The following ZBTB7C variants were observed in gnomAD, a reference collection of about 807,000 sequenced individuals.
The protein encoded by ZBTB7C is zinc finger and BTB domain containing 7C, also known as zinc finger and BTB domain-containing protein 7C.
ZBTB7C carries 8 observed loss-of-function variants against 25.7 expected under a neutral mutation model. That is an observed-to-expected ratio of 0.31 (90% CI 0.18 to 0.56). ZBTB7C has a LOEUF of 0.56. ZBTB7C is among the 20% of genes least tolerant of loss of function. ZBTB7C has a pLI of 0.91. For synonymous variants in ZBTB7C, 394 were observed against 369.0 expected (o/e 1.07, Z -0.78); for missense variants, 824 against 855.2 (o/e 0.96, Z 0.46).
chr18:48,164,504 T>C (rs2041175481), intron 3 of ZBTB7C, among the ~76,000 whole-genome samples: 1 of 152,184 alleles, frequency 6.6e-6, no homozygotes, highest in Non-Finnish European at 1.5e-5. Flanking sequence ...ATCTGCTAGA[T>C]TTCCCTTCTG....
At chr18:48,146,064 T>C (rs1324235561) in intron 3 of ZBTB7C, among the ~76,000 whole-genome samples, 5 of 152,186 alleles carry the variant, frequency 3.3e-5, no homozygotes, top group Admixed American at 6.5e-5. Context: ...GCTTTTGTGA[T>C]TTTTTGTTTA....
intron 1 of ZBTB7C, among the ~76,000 whole-genome samples, chr18:48,343,737 T>C (rs938555597): frequency 6.6e-6 from 1 of 152,172 alleles, no homozygotes; most frequent in African/African-American, 2.4e-5. Context: ...GGGCTCCCAG[T>C]TTTCAATCTG....
At position 48,323,720 on chromosome 18, in the gene ZBTB7C, G is replaced by A. The variant is rs191044960; in HGVS notation, c.-79+14454C>T. Reference sequence around the variant, plus strand: ...CAGTGATTTAACATGCTCCTACTGTGGGCTGTGCAGTGAGTAAGGATCCGG... The same window carrying A: ...CAGTGATTTAACATGCTCCTACTGTAGGCTGTGCAGTGAGTAAGGATCCGG... On this transcript the variant is annotated intron_variant, in intron 2 of 4. Coordinates refer to ENST00000590800, the MANE Select transcript of ZBTB7C (RefSeq NM_001318841.2). 2.0e-4 allele frequency among the ~76,000 whole-genome samples: 31 copies of A among 152,288 alleles called. No homozygotes were observed. The Middle Eastern group carries it at 0.01, about 50-fold the overall frequency.
chr18:48,034,030 G>A (rs1042278292), intron 4 of ZBTB7C, among the ~76,000 whole-genome samples: 1 of 152,148 alleles, frequency 6.6e-6, no homozygotes, highest in Non-Finnish European at 1.5e-5. Context: ...TGGCTTCCTT[G>A]CTGCTTCACA....
intron 2 of ZBTB7C, among the ~76,000 whole-genome samples, chr18:48,261,024 A>C (rs2044156921): frequency 6.6e-6 from 1 of 152,220 alleles, no homozygotes; most frequent in Non-Finnish European, 1.5e-5. Flanking sequence ...AACCCACTTA[A>C]ATTAAGAATT....
chr18:48,191,488 G>C (rs1012255201), intron 2 of ZBTB7C, among the ~76,000 whole-genome samples: 3 of 152,270 alleles, frequency 2.0e-5, no homozygotes, highest in East Asian at 3.8e-4. Flanking sequence ...CAGGACCTCA[G>C]CTGGGGCCAG....
chr18:48,326,750 C>A (rs1020842338), intron 2 of ZBTB7C, among the ~76,000 whole-genome samples: 1 of 152,154 alleles, frequency 6.6e-6, no homozygotes, highest in Non-Finnish European at 1.5e-5. Flanking sequence ...AGAATACATA[C>A]TTGAATTTCT....
chr18:48,379,282 T>C (rs796366383), intron 1 of ZBTB7C, among the ~76,000 whole-genome samples: 1 of 152,346 alleles, frequency 6.6e-6, no homozygotes, highest in Admixed American at 6.5e-5. Flanking sequence ...GCCTGGAAAC[T>C]GGGTAGTATG....
intron 3 of ZBTB7C, among the ~76,000 whole-genome samples, chr18:48,097,231 T>C (rs1310474602): frequency 1.3e-5 from 2 of 152,178 alleles, no homozygotes; most frequent in Non-Finnish European, 2.9e-5. Flanking sequence ...CATATGAATA[T>C]GGATCTTGCG....
chr18:48,178,991 C>T (rs1466858805), intron 3 of ZBTB7C, among the ~76,000 whole-genome samples: 2 of 152,160 alleles, frequency 1.3e-5, no homozygotes, highest in African/African-American at 4.8e-5. Context: ...TTCTCATATT[C>T]ATTGATTTTG....
chr18:48,259,461 C>A (rs1371640774), intron 2 of ZBTB7C, among the ~76,000 whole-genome samples: 1 of 126,240 alleles, frequency 7.9e-6, no homozygotes, highest in African/African-American at 3.6e-5. Context: ...AGAGAAAAAT[C>A]TTTCTGACCT....
intron 1 of ZBTB7C, among the ~76,000 whole-genome samples, chr18:48,366,481 G>A (rs2047223525): frequency 6.6e-6 from 1 of 152,110 alleles, no homozygotes; most frequent in South Asian, 2.1e-4. Flanking sequence ...AGAAAATAAA[G>A]TAAAGCCAAA....
At chr18:48,059,918 G>A (rs995488622) in intron 3 of ZBTB7C, among the ~76,000 whole-genome samples, 3 of 152,102 alleles carry the variant, frequency 2.0e-5, no homozygotes, top group African/African-American at 7.2e-5. Flanking sequence ...CTGGTGGGAG[G>A]GTGCGACCCT....
At position 48,028,934 on chromosome 18, in the gene ZBTB7C, T is replaced by A. The variant is rs1023480004; in HGVS notation, c.*326A>T. 1 of 336,714 alleles carries A rather than the reference T, an allele frequency of 3.0e-6. No individual in the cohort carries two copies. Among genetic ancestry groups the A allele is most frequent in the Non-Finnish European group, 5.4e-6 (1 of 186,872 alleles). 20.9% of individuals were successfully genotyped at this position (336,714 alleles called of 1,614,324 possible). A position where few individuals can be genotyped will look rare whatever the true frequency, so the allele number is the denominator to read the frequency against. ...ACCAGGCCAACCACCCCCTGACCCC[T>A]CATGACTCACCCAGCTCCTAAGTGC... is the stretch of plus-strand genomic sequence containing the variant. On this transcript the variant is annotated 3_prime_UTR_variant, in exon 5 of 5. Transcript: ENST00000590800.
chr18:48,085,757 C>A (rs2038168519), intron 3 of ZBTB7C, among the ~76,000 whole-genome samples: 1 of 152,240 alleles, frequency 6.6e-6, no homozygotes, highest in Non-Finnish European at 1.5e-5. Flanking sequence ...TTTGGGCTCA[C>A]TGTAAGGAAT....
At chr18:48,157,197 A>G (rs913154728) in intron 3 of ZBTB7C, among the ~76,000 whole-genome samples, 1 of 152,232 alleles carries the variant, frequency 6.6e-6, no homozygotes, top group African/African-American at 2.4e-5. Context: ...TTCAATAAAT[A>G]AAAGCATTAA....
chr18:48,077,856 C>A (rs552066276), intron 3 of ZBTB7C, among the ~76,000 whole-genome samples: 1 of 152,062 alleles, frequency 6.6e-6, no homozygotes, highest in African/African-American at 2.4e-5. Context: ...CTGAGGAGAC[C>A]CACCAAGAGC....
chr18:48,368,991 G>A (rs1225424447), intron 1 of ZBTB7C, among the ~76,000 whole-genome samples: 1 of 152,190 alleles, frequency 6.6e-6, no homozygotes, highest in African/African-American at 2.4e-5. Flanking sequence ...TAGGACAAGA[G>A]GAGGGAAGAA....
intron 3 of ZBTB7C, among the ~76,000 whole-genome samples, chr18:48,139,157 G>A (rs1428727838): frequency 6.6e-6 from 1 of 152,186 alleles, no homozygotes; most frequent in African/African-American, 2.4e-5. Flanking sequence ...GAGCAGGAGA[G>A]GAGGGCATGT....
Sources: gnomAD v4.1 joint callset for allele counts (sites outside exome capture counted in the v4.1 genomes callset) on GRCh38, gnomAD v4.1.1 for gene constraint, MANE v1.5 for transcripts, NCBI Gene and HGNC (gene_info 2026-07-23, HGNC 2026-07-21) for gene names.